HOOK2: variants seen among roughly 807,000 people sequenced by gnomAD.
HOOK2 encodes the protein hook microtubule tethering protein 2.
HOOK2 carries 108 observed loss-of-function variants against 111.9 expected under a neutral mutation model. That is an observed-to-expected ratio of 0.96 (90% CI 0.83 to 1.13). The LOEUF is 1.13. Among genes scored for constraint, HOOK2 ranks in the 50% most tolerant of loss-of-function variants. The probability of loss-of-function intolerance (pLI) is 0.00; values close to 1 mark genes in which losing one functional copy is unlikely to be tolerated. For missense variants in HOOK2, 978 were observed against 951.3 expected, an observed-to-expected ratio of 1.03 and a Z score of -0.37; for synonymous variants, 405 against 394.3, an observed-to-expected ratio of 1.03 and a Z score of -0.32.
At chr19:12,772,126 C>G in intron 7 of HOOK2, 64 bp downstream of exon 7, 1 of 1,250,480 alleles carries the variant, frequency 8.0e-7, no homozygotes, top group South Asian at 1.2e-5. Context: ...AACTTATCCC[C>G]AACTCCCGGC....
rs373483077 is a variant in HOOK2 at position 12,790,006 on chromosome 19, G to T, written n.42-15781C>A. Among the ~76,000 whole-genome samples the T allele has an allele frequency of 6.6e-6, 1 of 152,172 alleles. No individual in the cohort carries two copies. The highest frequency in any genetic ancestry group is 2.4e-5 in the African/African-American group (1 of 41,452). On this transcript the variant is annotated intron_variant and non_coding_transcript_variant, in intron 3 of 3. Transcript: ENST00000589765. This position sits in a 1 kb window ranked among gnomAD's most constrained non-coding sequence, Gnocchi z 7.2. ...CCGGCCCGCGCTCAGTCCTGCCCGC[G>T]GACTCCCGCCTGTTGCCATGGCGAC... is the stretch of plus-strand genomic sequence containing the variant.
chr19:12,774,749 C>G lies in HOOK2; in HGVS notation c.132-8G>C, dbSNP rs538219159. On this transcript the variant is annotated splice_region_variant and splice_polypyrimidine_tract_variant and intron_variant, in intron 2 of 22. Transcript: ENST00000397668. Reference sequence around the variant, plus strand: ...TTGAACCAGGAGGGGTCTCTGGGGGCGAGAAGGTGGGATGAGCAGACTGGG... The same window carrying G: ...TTGAACCAGGAGGGGTCTCTGGGGGGGAGAAGGTGGGATGAGCAGACTGGG... The G allele has an allele frequency of 1.1e-4, 170 of 1,613,842 alleles. 2 individuals carry two copies. The East Asian group carries it at 2.2e-3, about 21-fold the overall frequency.
intron 3 of HOOK2, 195 bp from the exon 4 acceptor site, chr19:12,773,239 T>C (rs936134396): frequency 7.4e-5 from 37 of 496,898 alleles, no homozygotes; most frequent in Middle Eastern, 5.2e-4. Flanking sequence ...TTCTTTTTTT[T>C]TTTTTTTTTT....
At chr19:12,788,386 A>G (rs1968675464) in intron 3 of HOOK2, among the ~76,000 whole-genome samples, 1 of 152,184 alleles carries the variant, frequency 6.6e-6, no homozygotes. Context: ...AGTAAGAGCC[A>G]TGTAAGTGTT....
At chr19:12,792,217 T>C (rs1390419713) in intron 3 of HOOK2, 1 of 1,545,336 alleles carries the variant, frequency 6.5e-7, no homozygotes, top group Non-Finnish European at 8.8e-7. Context: ...CTGCACAAGA[T>C]GAACCACGTG....
chr19:12,763,535 T>C lies in HOOK2; in HGVS notation c.2003A>G (p.Tyr668Cys), dbSNP rs1272009763. The change falls in exon 22 of 23, where the codon TAT becomes TGT. Residue 668 changes from tyrosine to cysteine, a missense_variant. Coordinates refer to ENST00000397668, the MANE Select transcript of HOOK2 (RefSeq NM_013312.3). ...CCCAGACCCCACACTTACCATATTATACCAGGCACTGATGAGCAGCTTTTC... is the reference window on the plus strand; with the variant it reads ...CCCAGACCCCACACTTACCATATTACACCAGGCACTGATGAGCAGCTTTTC... Reference protein sequence around the residue: ...QEEKLLISAWYNMGMALQQRA... With the variant: ...QEEKLLISAWCNMGMALQQRA... 1 of 1,614,184 alleles carries C rather than the reference T, an allele frequency of 6.2e-7. No individual in the cohort carries two copies. The highest frequency in any genetic ancestry group is 8.5e-7 in the Non-Finnish European group (1 of 1,180,024).
At chr19:12,765,224 G>A in intron 18 of HOOK2, 143 bp from the exon 19 acceptor site, 1 of 786,598 alleles carries the variant, frequency 1.3e-6, no homozygotes, top group South Asian at 1.6e-5. Flanking sequence ...CATGCCTGGG[G>A]CTGTGTGCCC....
In HOOK2 at chr19:12,774,680, A is replaced by C. The variant is rs201748160; in HGVS notation, c.193T>G (p.Trp65Gly). The change falls in exon 3 of 23, where the codon TGG (tryptophan) becomes GGG (glycine). Residue 65 changes from tryptophan (W) to glycine (G), a missense_variant. Around this residue, in one of 5 missense-constraint regions of HOOK2, gnomAD observed 301 missense variants for 286.1 expected, o/e 1.05. Coordinates refer to ENST00000397668, the MANE Select transcript of HOOK2 (RefSeq NM_013312.3). ...AGTCCACTTGTCACCTTCAGCTTCC[A>C]GTTGGGACCTGGATCTTCCGAGATG... is the stretch of plus-strand genomic sequence containing the variant. ...QGISEDPGPNWKLKVSNLKMV... is the reference protein window; with the variant it reads ...QGISEDPGPNGKLKVSNLKMV... The C allele has an allele frequency of 1.1e-4, 180 of 1,613,996 alleles. No individual in the cohort carries two copies. The African/African-American group carries it at 2.1e-3, about 19-fold the overall frequency.
intron 14 of HOOK2, 94 bp downstream of exon 14, chr19:12,767,301 C>T (rs540895533): frequency 1.0e-5 from 11 of 1,066,508 alleles, no homozygotes; most frequent in African/African-American, 6.3e-5. Context: ...ACCAAGCAAC[C>T]GGGGCTAGCA....
chr19:12,766,404 C>G (rs1968149035), intron 14 of HOOK2, 164 bp from the exon 15 acceptor site: 12 of 847,352 alleles, frequency 1.4e-5, no homozygotes, highest in Non-Finnish European at 2.1e-5. Flanking sequence ...AGGTTCCCGG[C>G]CCAGGGTTAA....
rs1307254069 is a variant in HOOK2 at position 12,790,300 on chromosome 19, G to A, written n.42-16075C>T. 6.6e-6 allele frequency among the ~76,000 whole-genome samples: 1 copy of A among 152,218 alleles called. No individual in the cohort carries two copies. Among genetic ancestry groups the A allele is most frequent in the Non-Finnish European group, 1.5e-5 (1 of 68,026 alleles). ...CCGTAGGATCCGAGTGACGGAGACA[G>A]GGCCGGGCTCCTTCCCCCGGGGCTG... On this transcript the variant is annotated intron_variant and non_coding_transcript_variant, in intron 3 of 3. Transcript: ENST00000589765. The surrounding 1 kb of genome is among the most constrained non-coding windows in gnomAD (Gnocchi z 7.2).
Position 12,791,851 on chromosome 19 carries a change from T to C in HOOK2, n.42-17626A>G, listed in dbSNP as rs1164060447. ...GGATACGGCCGGGCCCCTGGTGGCCTCTCTCTACACGACTACAAACTCCTG... is the reference window on the plus strand; with the variant it reads ...GGATACGGCCGGGCCCCTGGTGGCCCCTCTCTACACGACTACAAACTCCTG... On this transcript the variant is annotated intron_variant and non_coding_transcript_variant, in intron 3 of 3. Transcript: ENST00000589765. This position sits in a 1 kb window ranked among gnomAD's most constrained non-coding sequence, Gnocchi z 7.0. The C allele has an allele frequency of 6.2e-7, 1 of 1,613,420 alleles. No individual in the cohort carries two copies. Among genetic ancestry groups the C allele is most frequent in the Non-Finnish European group, 8.5e-7 (1 of 1,179,840 alleles).
Position 12,763,520 on chromosome 19 carries a change from A to T in HOOK2, c.2010+8T>A. On this transcript the variant is annotated splice_region_variant and intron_variant, in intron 22 of 22. Coordinates refer to ENST00000397668, the MANE Select transcript of HOOK2 (RefSeq NM_013312.3). ...CATGAGATCTTAGAGCCCAGACCCC[A>T]CACTTACCATATTATACCAGGCACT... 1.2e-6 allele frequency: 2 copies of T among 1,614,150 alleles called. No homozygotes were observed. The highest frequency in any genetic ancestry group is 1.7e-6 in the Non-Finnish European group (2 of 1,180,016).
chr19:12,764,558 G>A, intron 20 of HOOK2: 3 of 502,438 alleles, frequency 6.0e-6, no homozygotes, highest in South Asian at 2.5e-5. Context: ...TCAAACTCCT[G>A]ACCTCATGTT....
upstream of HOOK2, among the ~76,000 whole-genome samples, chr19:12,782,282 C>T (rs1319286082): frequency 6.6e-6 from 1 of 152,250 alleles, no homozygotes; most frequent in African/African-American, 2.4e-5. Context: ...GTCTGCGTCT[C>T]CATCCACGTG....
At chr19:12,784,970 C>G (rs1968642424) in intron 3 of HOOK2, 1 of 152,438 alleles carries the variant, frequency 6.6e-6, no homozygotes, top group Non-Finnish European at 1.5e-5. Flanking sequence ...CACACCATCT[C>G]ACCAGGAACA....
At position 12,763,582 on chromosome 19, in the gene HOOK2, G is replaced by A. The variant is rs1429275722; in HGVS notation, c.1956C>T (p.Ser652=). 1 of 1,614,210 alleles carries A rather than the reference G, an allele frequency of 6.2e-7. No individual in the cohort carries two copies. The highest frequency in any genetic ancestry group is 1.7e-5 in the Admixed American group (1 of 60,020). The change falls in exon 22 of 23, where the codon AGC becomes AGT. Residue 652 remains serine, a synonymous_variant. Coordinates refer to ENST00000397668, the MANE Select transcript of HOOK2 (RefSeq NM_013312.3). ...TTTCTTCCTGCTCCCGCTGACTTCG[G>A]CTTTTCTCAAAGTCCATCTGTCAAG... ...IRHLEMDFEK[S]RSQREQEEKL... is the part of the protein sequence containing the mutation.
chr19:12,789,507 T>C (rs1395551782), intron 3 of HOOK2, among the ~76,000 whole-genome samples: 2 of 151,590 alleles, frequency 1.3e-5, no homozygotes, highest in Non-Finnish European at 3.0e-5. Flanking sequence ...AAAACGAGAG[T>C]GGGGCCCCTG....
Position 12,763,153 on chromosome 19 carries a change from G to T in HOOK2, c.*129C>A. ...CCCGCCCTCCCTCCCCACCAATCTGGGAGAGGGAAGAGCAGAGATCATGGC... is the reference window on the plus strand; with the variant it reads ...CCCGCCCTCCCTCCCCACCAATCTGTGAGAGGGAAGAGCAGAGATCATGGC... On this transcript the variant is annotated 3_prime_UTR_variant, in exon 23 of 23. Coordinates refer to ENST00000397668, the MANE Select transcript of HOOK2 (RefSeq NM_013312.3). 2.2e-6 allele frequency: 2 copies of T among 905,656 alleles called. No homozygotes were observed. The highest frequency in any genetic ancestry group is 2.6e-5 in the Admixed American group (1 of 38,532). The allele number at this position is 905,656 out of a possible 1,614,324, so 56.1% of individuals were successfully genotyped here.
Sources: gnomAD v4.1 joint callset for allele counts (sites outside exome capture counted in the v4.1 genomes callset) on GRCh38, gnomAD v4.1.1 for gene constraint, gnomAD v4.1.1 regional missense constraint, Gnocchi (gnomAD v3.1) non-coding constraint, MANE v1.5 for transcripts, NCBI Gene and HGNC (gene_info 2026-07-23, HGNC 2026-07-21) for gene names.